CNTNAP2: variants seen among roughly 807,000 people sequenced by gnomAD.
CNTNAP2 encodes the protein contactin-associated protein-like 2.
Under a neutral mutation model 155.2 loss-of-function variants are expected in CNTNAP2, and 98 were observed. That is an observed-to-expected ratio of 0.63 (90% CI 0.54 to 0.75). The LOEUF (loss-of-function observed/expected upper bound fraction) is 0.75. CNTNAP2 is among the 30% of genes least tolerant of loss of function. The probability of loss-of-function intolerance (pLI) is 0.00; values close to 1 mark genes in which losing one functional copy is unlikely to be tolerated. For synonymous variants in CNTNAP2, 651 were observed against 631.2 expected (o/e 1.03, Z -0.47); for missense variants, 1,727 against 1,688.1 (o/e 1.02, Z -0.40).
At chr7:148,169,163 A>G (rs545849803) in intron 17 of CNTNAP2, among the ~76,000 whole-genome samples, 4 of 152,358 alleles carry the variant, frequency 2.6e-5, no homozygotes, top group Admixed American at 2.6e-4. Context: ...AGCGAAGAAC[A>G]CAAAGAAACA....
chr7:146,862,869 C>G (rs541372207), intron 3 of CNTNAP2, among the ~76,000 whole-genome samples: 16 of 152,294 alleles, frequency 1.1e-4, no homozygotes, highest in Admixed American at 5.9e-4. Flanking sequence ...TGTGGTCATT[C>G]TGGTTCCCCC....
intron 15 of CNTNAP2, among the ~76,000 whole-genome samples, chr7:148,092,485 T>A (rs1160998908): frequency 6.6e-6 from 1 of 152,150 alleles, no homozygotes; most frequent in Admixed American, 6.5e-5. Flanking sequence ...GGACCATGGA[T>A]CAAATGCACT....
chr7:147,124,765 C>G (rs982879184), intron 6 of CNTNAP2, among the ~76,000 whole-genome samples: 1 of 151,272 alleles, frequency 6.6e-6, no homozygotes, highest in Admixed American at 6.6e-5. Flanking sequence ...GCACTGCTAG[C>G]GTAAATTAAA....
intron 3 of CNTNAP2, among the ~76,000 whole-genome samples, chr7:147,038,856 T>G (rs973139669): frequency 6.6e-6 from 1 of 152,326 alleles, no homozygotes; most frequent in African/African-American, 2.4e-5. Context: ...GATGTATAAC[T>G]TTCTTGCTTA....
At chr7:148,323,872 T>C (rs1201253906) in intron 21 of CNTNAP2, among the ~76,000 whole-genome samples, 1 of 146,158 alleles carries the variant, frequency 6.8e-6, no homozygotes, top group Non-Finnish European at 1.5e-5. Context: ...GACTTGTCTC[T>C]GAAGCCCCAT....
chr7:146,478,866 A>C (rs1796918635), intron 1 of CNTNAP2, among the ~76,000 whole-genome samples: 1 of 152,220 alleles, frequency 6.6e-6, no homozygotes, highest in South Asian at 2.1e-4. Flanking sequence ...CTTTCCAGTT[A>C]ATGTAGTTAT....
At chr7:148,131,220 T>C (rs192822754) in intron 16 of CNTNAP2, among the ~76,000 whole-genome samples, 11 of 149,228 alleles carry the variant, frequency 7.4e-5, no homozygotes, top group African/African-American at 2.7e-4. Flanking sequence ...TGCCTTGGCC[T>C]CCCGAGTAGC....
At chr7:147,235,205 G>C (rs550132992) in intron 8 of CNTNAP2, among the ~76,000 whole-genome samples, 1 of 151,944 alleles carries the variant, frequency 6.6e-6, no homozygotes, top group African/African-American at 2.4e-5. Flanking sequence ...CCTGTCTTTG[G>C]ACTCAAACTA....
intron 1 of CNTNAP2, among the ~76,000 whole-genome samples, chr7:146,320,103 A>C (rs940227710): frequency 5.9e-5 from 9 of 152,296 alleles, no homozygotes; most frequent in African/African-American, 2.2e-4. Flanking sequence ...GCAGCAAAAA[A>C]AGACTCTGAG....
intron 1 of CNTNAP2, among the ~76,000 whole-genome samples, chr7:146,209,014 T>G (rs1194917402): frequency 2.6e-5 from 4 of 152,058 alleles, no homozygotes; most frequent in Non-Finnish European, 5.9e-5. Context: ...CTTTGAGCCT[T>G]TTATGCTGTG....
chr7:148,295,713 C>T (rs983637940), intron 21 of CNTNAP2, among the ~76,000 whole-genome samples: 3 of 151,476 alleles, frequency 2.0e-5, no homozygotes, highest in Non-Finnish European at 4.4e-5. Context: ...GGATGGTCTC[C>T]ATCTCCTGAC....
chr7:146,573,671 A>G (rs1166913363), intron 1 of CNTNAP2, among the ~76,000 whole-genome samples: 5 of 152,192 alleles, frequency 3.3e-5, no homozygotes, highest in Non-Finnish European at 7.3e-5. Flanking sequence ...GTGCACACAA[A>G]GAGGAGTCAG....
chr7:148,264,835 T>C (rs1230936086), intron 20 of CNTNAP2, among the ~76,000 whole-genome samples: 1 of 152,122 alleles, frequency 6.6e-6, no homozygotes, highest in Non-Finnish European at 1.5e-5. Flanking sequence ...GCTGGGACTA[T>C]AGGGGAGTGC....
chr7:147,727,262 A>T (rs1339191869), intron 13 of CNTNAP2, among the ~76,000 whole-genome samples: 2 of 151,858 alleles, frequency 1.3e-5, no homozygotes, highest in African/African-American at 4.8e-5. Flanking sequence ...GTATTACATA[A>T]ATGTGTGTTA....
chr7:146,807,832 T>C (rs1192573373), intron 2 of CNTNAP2, among the ~76,000 whole-genome samples: 1 of 152,190 alleles, frequency 6.6e-6, no homozygotes, highest in Non-Finnish European at 1.5e-5. Context: ...TCATAGACTT[T>C]ATTCTAACTT....
chr7:147,283,567 A>C (rs932106469), intron 8 of CNTNAP2, among the ~76,000 whole-genome samples: 55 of 152,070 alleles, frequency 3.6e-4, no homozygotes, highest in African/African-American at 1.3e-3. Context: ...TGTTCTATAA[A>C]TAAGAAAATG....
chr7:146,694,127 TAAGAA>T lies in CNTNAP2; in HGVS notation c.98-80142_98-80138del, dbSNP rs545538341. Among the ~76,000 whole-genome samples, 380 of 152,108 alleles carry T rather than the reference TAAGAA, an allele frequency of 2.5e-3. 1 individual carries two copies. Among genetic ancestry groups the T allele is most frequent in the Non-Finnish European group, 3.9e-3 (265 of 67,978 alleles). Reference sequence around the variant, plus strand: ...ATTGTTTAAGAATATAATTGGAAAATAAGAAAGGTAAGTGATGAACTGAGAGAAGC... The same window carrying T: ...ATTGTTTAAGAATATAATTGGAAAATAGGTAAGTGATGAACTGAGAGAAGC... On this transcript the variant is annotated intron_variant, in intron 1 of 23. Transcript: ENST00000361727.
chr7:146,266,651 G>A (rs1433901208), intron 1 of CNTNAP2, among the ~76,000 whole-genome samples: 1 of 152,070 alleles, frequency 6.6e-6, no homozygotes, highest in African/African-American at 2.4e-5. Context: ...CAGAATGGGA[G>A]GCAGTAAAAA....
At chr7:146,686,579 C>T (rs749836643) in intron 1 of CNTNAP2, among the ~76,000 whole-genome samples, 3 of 152,090 alleles carry the variant, frequency 2.0e-5, no homozygotes, top group Non-Finnish European at 4.4e-5. Flanking sequence ...AGGCACAGAT[C>T]ATCGGCAAGT....
Sources: gnomAD v4.1 joint callset for allele counts (sites outside exome capture counted in the v4.1 genomes callset) on GRCh38, gnomAD v4.1.1 for gene constraint, MANE v1.5 for transcripts, NCBI Gene and HGNC (gene_info 2026-07-23, HGNC 2026-07-21) for gene names.